RWDD4: variants seen among roughly 807,000 people sequenced by gnomAD.
RWDD4 encodes the protein RWD domain containing 4, also known as RWD domain-containing protein 4.
RWDD4 carries 16 observed loss-of-function variants against 30.0 expected under a neutral mutation model. The observed-to-expected ratio is 0.53, with a 90% CI of 0.36 to 0.81. The LOEUF (loss-of-function observed/expected upper bound fraction) is 0.81, where lower values mean the gene tolerates loss of function less well. RWDD4 is among the 30% of genes least tolerant of loss of function. RWDD4 has a pLI of 0.00. For synonymous variants in RWDD4, 45 were observed against 72.1 expected, an observed-to-expected ratio of 0.62 and a Z score of 1.90; for missense variants, 170 against 223.9, an observed-to-expected ratio of 0.76 and a Z score of 1.54.
Position 183,649,498 on chromosome 4 carries a change from T to G in RWDD4, c.434A>C (p.Lys145Thr). 1 of 1,613,464 alleles carries G rather than the reference T, an allele frequency of 6.2e-7. No homozygotes were observed. Residue 145 changes from lysine to threonine, a missense_variant, in exon 5 of 8, where the codon AAA (lysine) becomes ACA (threonine). Lys to Thr is a moderately conservative substitution (Grantham distance 78). Transcript: ENST00000326397. Reference sequence around the variant, plus strand: ...CTTCTGGGCTTTTGAAAGTTGTTCTTTTTTGTCTTTTTTCTTACTTGATGG... The same window carrying G: ...CTTCTGGGCTTTTGAAAGTTGTTCTGTTTTGTCTTTTTTCTTACTTGATGG... The part of the protein sequence containing the change: ...TAPSSKKKDK[K>T]EQLSKAQKRK...
chr4:183,652,191 T>C (rs1434284984), intron 2 of RWDD4, among the ~76,000 whole-genome samples: 5 of 152,196 alleles, frequency 3.3e-5, no homozygotes, highest in Non-Finnish European at 7.3e-5. Flanking sequence ...AAAAATGCTA[T>C]CTAATACATA....
At chr4:183,647,509 T>C (rs1733986977) in intron 5 of RWDD4, among the ~76,000 whole-genome samples, 1 of 152,190 alleles carries the variant, frequency 6.6e-6, no homozygotes, top group Non-Finnish European at 1.5e-5. Context: ...GGCTGTCCCA[T>C]TAAAATTTTA....
chr4:183,646,234 T>A (rs1733963467), intron 7 of RWDD4, 117 bp downstream of exon 7: 1 of 684,984 alleles, frequency 1.5e-6, no homozygotes, highest in Admixed American at 2.5e-5. Context: ...GCTTACATAG[T>A]CATACTATAT....
chr4:183,657,975 A>G (rs1210850695), intron 1 of RWDD4, among the ~76,000 whole-genome samples: 1 of 152,188 alleles, frequency 6.6e-6, no homozygotes, highest in Non-Finnish European at 1.5e-5. Context: ...CTATGGTCCA[A>G]CTCTGAGAAA....
At chr4:183,641,950 T>C (rs1163725523) in intron 7 of RWDD4, among the ~76,000 whole-genome samples, 1 of 152,180 alleles carries the variant, frequency 6.6e-6, no homozygotes, top group Non-Finnish European at 1.5e-5. Flanking sequence ...TATTTTTGCA[T>C]TGCAATTTTT....
intron 7 of RWDD4, among the ~76,000 whole-genome samples, chr4:183,645,526 T>C (rs1733950405): frequency 6.6e-6 from 1 of 151,120 alleles, no homozygotes; most frequent in Non-Finnish European, 1.5e-5. Context: ...TCCCAGCACG[T>C]TGTGAGGCCG....
At chr4:183,652,461 A>G (rs1241537867) in intron 2 of RWDD4, among the ~76,000 whole-genome samples, 2 of 145,450 alleles carry the variant, frequency 1.4e-5, no homozygotes, top group Non-Finnish European at 3.0e-5. Context: ...GTGCCATTGC[A>G]CTCCAGCCTG....
rs1269263047 is a variant in RWDD4 at position 183,648,223 on chromosome 4, C to T, written c.481+1228G>A. On this transcript the variant is annotated intron_variant, in intron 5 of 7. Coordinates refer to ENST00000326397, the MANE Select transcript of RWDD4 (RefSeq NM_152682.4). ...CTGCACTCCAGCCTGGGCAACAGAG[C>T]GAGACTCCGTCTCAAAAGAAAAAAG... 1.1e-4 allele frequency among the ~76,000 whole-genome samples: 16 copies of T among 141,788 alleles called. No individual in the cohort carries two copies. In the East Asian group the frequency reaches 2.9e-3, roughly 26 times the overall value. The allele number at this position is 141,788 out of a possible 152,430, so 93.0% of individuals were successfully genotyped here. A position where few individuals can be genotyped will look rare whatever the true frequency, so the allele number is the denominator to read the frequency against.
chr4:183,656,396 T>A (rs1734195084), intron 1 of RWDD4, among the ~76,000 whole-genome samples: 1 of 152,202 alleles, frequency 6.6e-6, no homozygotes, highest in African/African-American at 2.4e-5. Context: ...TACATTTCTT[T>A]TATATGTAAT....
intron 5 of RWDD4, 71 bp from the exon 6 acceptor site, chr4:183,646,608 A>G (rs573340546): frequency 1.5e-6 from 2 of 1,337,150 alleles, no homozygotes; most frequent in East Asian, 4.7e-5. Flanking sequence ...AAGATTTTAT[A>G]TACTACTGTA....
intron 1 of RWDD4, 59 bp from the exon 2 acceptor site, chr4:183,656,020 G>A: frequency 8.6e-7 from 1 of 1,167,030 alleles, no homozygotes; most frequent in Non-Finnish European, 1.3e-6. Flanking sequence ...GAAATAGAGG[G>A]TCTTTACTTT....
chr4:183,649,269 C>T (rs1427378360), intron 5 of RWDD4, among the ~76,000 whole-genome samples, 182 bp downstream of exon 5: 2 of 152,072 alleles, frequency 1.3e-5, no homozygotes, highest in Non-Finnish European at 2.9e-5. Flanking sequence ...CAAAAATTAG[C>T]CAGGTGTGGT....
chr4:183,643,714 G>C (rs1384609299), intron 7 of RWDD4, among the ~76,000 whole-genome samples: 6 of 151,484 alleles, frequency 4.0e-5, no homozygotes, highest in African/African-American at 9.7e-5. Context: ...GTCAGGAGTT[G>C]GAGACCAGCC....
chr4:183,646,621 C>T, intron 5 of RWDD4, 84 bp from the exon 6 acceptor site: 1 of 1,173,210 alleles, frequency 8.5e-7, no homozygotes, highest in South Asian at 1.5e-5. Context: ...CTACTGTACA[C>T]AACAAATAGG....
intron 7 of RWDD4, among the ~76,000 whole-genome samples, chr4:183,643,945 C>CA (rs942548257): frequency 6.6e-6 from 1 of 151,708 alleles, no homozygotes; most frequent in Non-Finnish European, 1.5e-5. Flanking sequence ...ACAAAAACCA[C>CA]AAAAAAAACT....
chr4:183,643,767 A>T (rs1431534454), intron 7 of RWDD4, among the ~76,000 whole-genome samples: 1 of 152,054 alleles, frequency 6.6e-6, no homozygotes. Context: ...AAAATACCAA[A>T]ATTAGCCAGG....
In RWDD4 at chr4:183,658,946, C is replaced by T. The variant is rs1579138014; in HGVS notation, c.7G>A (p.Ala3Thr). ...GGGCTCACCTCCTGGTCCTCGTTGG[C>T]ACTCATCGCGCCGGTCGCGGGGCGC... MS[A>T]NEDQEMELEA... The change falls in exon 1 of 8, where the codon GCC becomes ACC. Residue 3 changes from alanine to threonine, a missense_variant. Coordinates refer to ENST00000326397, the MANE Select transcript of RWDD4 (RefSeq NM_152682.4). 6 of 1,274,988 alleles carry T rather than the reference C, an allele frequency of 4.7e-6. No homozygotes were observed. Among genetic ancestry groups the T allele is most frequent in the Non-Finnish European group, 5.9e-6 (6 of 1,011,660 alleles). 79.0% of individuals were successfully genotyped at this position (1,274,988 alleles called of 1,614,324 possible). A position where few individuals can be genotyped will look rare whatever the true frequency, so the allele number is the denominator to read the frequency against.
intron 7 of RWDD4, among the ~76,000 whole-genome samples, chr4:183,643,271 A>G (rs964979541): frequency 4.8e-5 from 7 of 147,204 alleles, no homozygotes; most frequent in Non-Finnish European, 9.0e-5. Context: ...TACTAAAAAT[A>G]AAAAAATTAG....
rs923193950 is a variant in RWDD4, at chr4:183,640,707, G to C, written c.*729C>G. On this transcript the variant is annotated 3_prime_UTR_variant, in exon 8 of 8. Coordinates refer to ENST00000326397, the MANE Select transcript of RWDD4 (RefSeq NM_152682.4). The stretch of plus-strand genomic sequence containing the variant: ...TACTCCCATCCTGGTATATGCAAGA[G>C]AAATGTTTTAAGAAAGGGCCAGCAT... 1.6e-5 allele frequency: 1 copy of C among 62,616 alleles called. No homozygotes were observed. The highest frequency in any genetic ancestry group is 6.5e-5 in the African/African-American group (1 of 15,394). 3.9% of individuals were successfully genotyped at this position (62,616 alleles called of 1,614,324 possible).
Sources: allele counts gnomAD v4.1 joint callset (sites outside exome capture counted in the v4.1 genomes callset), GRCh38; gene constraint gnomAD v4.1.1; transcripts MANE v1.5; gene names NCBI Gene and HGNC (gene_info 2026-07-23, HGNC 2026-07-21).